Variants in VPS35 observed in about 807,000 individuals in gnomAD.
VPS35 encodes VPS35 retromer complex component.
A neutral mutation model predicts 98.1 loss-of-function variants in VPS35; 21 were observed. The ratio of observed to expected loss-of-function variants is 0.21; its 90% confidence interval spans 0.15 to 0.31. The LOEUF (loss-of-function observed/expected upper bound fraction) is 0.31. Ranked by LOEUF, VPS35 falls within the 10% of genes least tolerant of loss-of-function variation. The pLI is 1.00. For missense variants in VPS35, 554 were observed against 950.8 expected (o/e 0.58, Z 5.49); for synonymous variants, 268 against 318.2 (o/e 0.84, Z 1.68).
At chr16:46,681,241 G>C in intron 4 of VPS35, 136 bp downstream of exon 4, 2 of 1,236,530 alleles carry the variant, frequency 1.6e-6, no homozygotes, top group Non-Finnish European at 2.3e-6. Context: ...ACAAGTAAGA[G>C]AATATCTACC....
intron 13 of VPS35, among the ~76,000 whole-genome samples, chr16:46,665,636 A>G (rs1965977434): frequency 6.6e-6 from 1 of 151,508 alleles, no homozygotes; most frequent in South Asian, 2.1e-4. Context: ...ACCTTGGCAC[A>G]GTGGGTGACA....
At chr16:46,680,980 A>T in intron 4 of VPS35, 127 bp from the exon 5 acceptor site, 1 of 991,288 alleles carries the variant, frequency 1.0e-6, no homozygotes, top group South Asian at 1.5e-5. Context: ...CCGCATGACA[A>T]GGAAAATATC....
intron 10 of VPS35, among the ~76,000 whole-genome samples, chr16:46,673,034 T>C (rs1159367342): frequency 6.6e-6 from 1 of 152,164 alleles, no homozygotes; most frequent in African/African-American, 2.4e-5. Flanking sequence ...TCTTTAGAGG[T>C]TGTTATTTCT....
intron 1 of VPS35, chr16:46,688,692 T>C: frequency 9.1e-7 from 1 of 1,101,304 alleles, no homozygotes; most frequent in Non-Finnish European, 1.1e-6. Context: ...CGAGCACAAC[T>C]AGGCACAAAG....
At chr16:46,675,557 A>G (rs923956125) in intron 8 of VPS35, among the ~76,000 whole-genome samples, 14 of 152,348 alleles carry the variant, frequency 9.2e-5, no homozygotes, top group Non-Finnish European at 1.5e-4. Flanking sequence ...AGTGGGCCCA[A>G]TAAGTATGGA....
Position 46,657,704 on chromosome 16 carries a change from T to G in VPS35, c.*2768A>C, listed in dbSNP as rs1965854153. The G allele has an allele frequency of 6.6e-6, 1 of 152,200 alleles. No homozygotes were observed. The highest frequency in any genetic ancestry group is 1.5e-5 in the Non-Finnish European group (1 of 68,058). The allele number at this position is 152,200 out of a possible 1,614,324, so 9.4% of individuals were successfully genotyped here. A position where few individuals can be genotyped will look rare whatever the true frequency, so the allele number is the denominator to read the frequency against. ...ATTTCTAGGCAAAGAAGGGATCATCTGGACTCTAAGAATCACTGGTTTCCT... is the reference window on the plus strand; with the variant it reads ...ATTTCTAGGCAAAGAAGGGATCATCGGGACTCTAAGAATCACTGGTTTCCT... On this transcript the variant is annotated 3_prime_UTR_variant, in exon 17 of 17. Transcript: ENST00000299138.
rs1348314616 is a variant in VPS35, at chr16:46,657,094, C to T, written c.*3378G>A. Reference sequence around the variant, plus strand: ...ATGCAGGGTGCCCTACTGGAGTAATCAGCAATACAAGACCACAAGCCAGGA... The same window carrying T: ...ATGCAGGGTGCCCTACTGGAGTAATTAGCAATACAAGACCACAAGCCAGGA... On this transcript the variant is annotated 3_prime_UTR_variant, in exon 17 of 17. Coordinates refer to ENST00000299138, the MANE Select transcript of VPS35 (RefSeq NM_018206.6). 1 of 152,210 alleles carries T rather than the reference C, an allele frequency of 6.6e-6. No individual in the cohort carries two copies. Among genetic ancestry groups the T allele is most frequent in the East Asian group, 1.9e-4 (1 of 5,200 alleles). 9.4% of individuals were successfully genotyped at this position (152,210 alleles called of 1,614,324 possible). A position where few individuals can be genotyped will look rare whatever the true frequency, so the allele number is the denominator to read the frequency against.
In VPS35 at chr16:46,664,133, G is replaced by A. The variant is rs545321255; in HGVS notation, c.1648-971C>T. On this transcript the variant is annotated intron_variant, in intron 13 of 16. Transcript: ENST00000299138. ...CCACGGATAATCACTGGTAACATTC[G>A]GATGCTAAATGTCTTCCTTTCTTTT... Among the ~76,000 whole-genome samples the A allele has an allele frequency of 3.3e-5, 5 of 151,924 alleles. No homozygotes were observed. In the South Asian group the frequency reaches 6.2e-4, roughly 19 times the overall value.
intron 1 of VPS35, chr16:46,688,747 C>G (rs1966365845): frequency 1.6e-6 from 2 of 1,224,174 alleles, no homozygotes; most frequent in Non-Finnish European, 2.1e-6. Context: ...ACCTCCGAGT[C>G]TCAGGGCCTC....
rs1032838723 is a variant in VPS35 at position 46,665,928 on chromosome 16, G to A, written c.1648-2766C>T. Reference sequence around the variant, plus strand: ...GCCCTAGCCTCTTTTTTTTGAGACAGAGTCTCACTTTGTCACCCAGGCTGG... The same window carrying A: ...GCCCTAGCCTCTTTTTTTTGAGACAAAGTCTCACTTTGTCACCCAGGCTGG... On this transcript the variant is annotated intron_variant, in intron 13 of 16. Transcript: ENST00000299138. 1.6e-4 allele frequency among the ~76,000 whole-genome samples: 24 copies of A among 151,658 alleles called. No homozygotes were observed. The East Asian group carries it at 2.1e-3, about 14-fold the overall frequency.
chr16:46,688,519 T>C, intron 1 of VPS35: 1 of 988,236 alleles, frequency 1.0e-6, no homozygotes, highest in Non-Finnish European at 1.2e-6. Context: ...ACAATCAGTC[T>C]CCTTTGCGAC....
chr16:46,683,851 A>G (rs968699018), intron 1 of VPS35, among the ~76,000 whole-genome samples: 8 of 152,124 alleles, frequency 5.3e-5, no homozygotes, highest in Non-Finnish European at 1.2e-4. Context: ...CAGCCTCCTA[A>G]GTAGCTGGGA....
intron 2 of VPS35, 195 bp from the exon 3 acceptor site, chr16:46,682,370 T>A: frequency 1.8e-6 from 1 of 553,512 alleles, no homozygotes; most frequent in South Asian, 2.1e-5. Context: ...AAAAGATACA[T>A]GATTCTTAGT....
At chr16:46,677,005 T>A (rs963948559) in intron 7 of VPS35, among the ~76,000 whole-genome samples, 6 of 151,898 alleles carry the variant, frequency 4.0e-5, no homozygotes, top group Non-Finnish European at 5.9e-5. Flanking sequence ...TTCCTATTTT[T>A]AAATTATTTT....
rs1390371734 is a variant in VPS35, at chr16:46,683,547, C to T, written c.63G>A (p.Gln21=). 16 of 1,613,944 alleles carry T rather than the reference C, an allele frequency of 9.9e-6. No homozygotes were observed. Among genetic ancestry groups the T allele is most frequent in the Non-Finnish European group, 1.4e-5 (16 of 1,180,030 alleles). Residue 21 remains glutamine, a synonymous_variant, in exon 2 of 17, where the codon CAG becomes CAA. Coordinates refer to ENST00000299138, the MANE Select transcript of VPS35 (RefSeq NM_018206.6). ...TTTGGAATGACTGGACCTTCACAGC[C>T]TGTATGGCTTCATCCAAGAGCTTTT... is the stretch of plus-strand genomic sequence containing the variant. ...EQEKLLDEAI[Q]AVKVQSFQMK... is the part of the protein sequence containing the mutation.
chr16:46,668,819 C>T (rs1361462493), intron 13 of VPS35, 111 bp downstream of exon 13: 2 of 1,445,216 alleles, frequency 1.4e-6, no homozygotes, highest in Non-Finnish European at 1.9e-6. Flanking sequence ...TTTATTATAC[C>T]ACTGTCTATT....
intron 11 of VPS35, 52 bp downstream of exon 11, chr16:46,672,213 G>C: frequency 6.5e-7 from 1 of 1,538,572 alleles, no homozygotes; most frequent in Middle Eastern, 2.1e-4. Flanking sequence ...TAGGTCCAAA[G>C]TCTAAAATTG....
chr16:46,679,356 T>C (rs1966198929), intron 5 of VPS35, among the ~76,000 whole-genome samples, 200 bp from the exon 6 acceptor site: 1 of 152,202 alleles, frequency 6.6e-6, no homozygotes, highest in South Asian at 2.1e-4. Flanking sequence ...ACAGTATAAA[T>C]TTAAAGGGCA....
chr16:46,677,504 T>C (rs1966169798), intron 6 of VPS35, 106 bp from the exon 7 acceptor site: 3 of 953,222 alleles, frequency 3.1e-6, no homozygotes, highest in Admixed American at 3.9e-5. Context: ...GTATTTGAGA[T>C]TTTTCTCACC....
Sources: gnomAD v4.1 joint callset for allele counts (sites outside exome capture counted in the v4.1 genomes callset) on GRCh38, gnomAD v4.1.1 for gene constraint, MANE v1.5 for transcripts, NCBI Gene and HGNC (gene_info 2026-07-23, HGNC 2026-07-21) for gene names.